The following DLG2 variants were observed in gnomAD, a reference collection of about 807,000 sequenced individuals.
DLG2 encodes the protein discs large MAGUK scaffold protein 2.
In DLG2, 45 loss-of-function variants were observed where a neutral mutation model predicts 132.5. That is an observed-to-expected ratio of 0.34 (90% CI 0.27 to 0.44). The LOEUF is 0.44. Ranked by LOEUF, DLG2 falls within the 20% of genes least tolerant of loss-of-function variation. DLG2 has a pLI of 1.00. For synonymous variants in DLG2, 424 were observed against 419.6 expected (o/e 1.01, Z -0.13); for missense variants, 1,045 against 1,196.9 (o/e 0.87, Z 1.87).
intron 7 of DLG2, among the ~76,000 whole-genome samples, chr11:84,396,408 A>ATTGTTT (rs1453175461): frequency 6.6e-6 from 1 of 152,212 alleles, no homozygotes; most frequent in Admixed American, 6.5e-5. Context: ...ATATGGTGCA[A>ATTGTTT]TTGTTTTTGT....
At chr11:84,174,146 T>C (rs2095889951) in intron 8 of DLG2, among the ~76,000 whole-genome samples, 1 of 148,824 alleles carries the variant, frequency 6.7e-6, no homozygotes, top group South Asian at 2.1e-4. Flanking sequence ...TATATCTCTG[T>C]TAAGGAGATT....
intron 20 of DLG2, among the ~76,000 whole-genome samples, chr11:83,536,499 G>T (rs2095879406): frequency 6.6e-6 from 1 of 151,634 alleles, no homozygotes; most frequent in Non-Finnish European, 1.5e-5. Flanking sequence ...TTTCTGGGAT[G>T]CATGTGAATG....
intron 6 of DLG2, among the ~76,000 whole-genome samples, chr11:84,676,464 A>G (rs1265943266): frequency 1.3e-5 from 2 of 152,122 alleles, no homozygotes; most frequent in East Asian, 1.9e-4. Context: ...CATATGGCAC[A>G]GCTATGATTG....
intron 5 of DLG2, among the ~76,000 whole-genome samples, chr11:85,117,934 T>C (rs1168715054): frequency 2.0e-5 from 3 of 152,066 alleles, no homozygotes; most frequent in Admixed American, 6.6e-5. Context: ...CATTAAGCCA[T>C]TTTAAACAAA....
intron 3 of DLG2, chr11:85,453,190 C>T: frequency 2.8e-6 from 1 of 355,892 alleles, no homozygotes; most frequent in Non-Finnish European, 5.0e-6. Flanking sequence ...GGGTACACAC[C>T]AAAGGCCAAG....
chr11:85,170,937 A>G (rs1275681036), intron 4 of DLG2, among the ~76,000 whole-genome samples: 1 of 118,322 alleles, frequency 8.5e-6, no homozygotes, highest in Non-Finnish European at 1.7e-5. Context: ...CATAACAAAT[A>G]AAAAAAAAAA....
chr11:84,945,326 G>A (rs1376653438), intron 6 of DLG2, among the ~76,000 whole-genome samples: 4 of 152,188 alleles, frequency 2.6e-5, no homozygotes, highest in Non-Finnish European at 4.4e-5. Flanking sequence ...AGGTAACACC[G>A]TGGTGTTCTT....
chr11:85,143,699 G>T lies in DLG2; in HGVS notation c.282+10857C>A, dbSNP rs184712691. On this transcript the variant is annotated intron_variant, in intron 5 of 27. Transcript: ENST00000376104. ...CTTCATTGACCTGCTTGTCACTCAG[G>T]AGCATATTGTTTAATTTCCATGTGT... Among the ~76,000 whole-genome samples the T allele has an allele frequency of 6.9e-4, 105 of 151,764 alleles. 1 individual carries two copies. The highest frequency in any genetic ancestry group is 3.4e-3 in the Middle Eastern group (1 of 294).
intron 17 of DLG2, among the ~76,000 whole-genome samples, chr11:83,828,648 T>C (rs1442276755): frequency 1.3e-5 from 2 of 152,150 alleles, no homozygotes; most frequent in East Asian, 1.9e-4. Flanking sequence ...CTTTGGGAAA[T>C]GCCAATCTAG....
chr11:84,868,705 C>A (rs1016128995), intron 6 of DLG2, among the ~76,000 whole-genome samples: 7 of 152,084 alleles, frequency 4.6e-5, no homozygotes, highest in Admixed American at 4.6e-4. Context: ...GACATAGACT[C>A]GTAGGATTCA....
chr11:84,643,344 C>T (rs2099670487), intron 6 of DLG2, among the ~76,000 whole-genome samples: 1 of 152,184 alleles, frequency 6.6e-6, no homozygotes, highest in Admixed American at 6.5e-5. Context: ...TAACTTCTTT[C>T]CTTAGAAACA....
intron 25 of DLG2, among the ~76,000 whole-genome samples, chr11:83,467,771 GTATATATATA>G (rs1192401405): frequency 0.21 from 18,128 of 85,200 alleles, 1,974 homozygotes; most frequent in Middle Eastern, 0.32. Flanking sequence ...AAAACTATAT[GTATATATATA>G]TATATATATA....
intron 9 of DLG2, among the ~76,000 whole-genome samples, chr11:84,157,894 C>T (rs568221736): frequency 1.4e-4 from 22 of 152,256 alleles, no homozygotes; most frequent in South Asian, 8.3e-4. Context: ...GAGGAGGAGT[C>T]GTCAACTTGT....
intron 3 of DLG2, among the ~76,000 whole-genome samples, chr11:85,323,601 C>T (rs528396175): frequency 5.3e-5 from 8 of 152,264 alleles, no homozygotes; most frequent in African/African-American, 1.7e-4. Flanking sequence ...GAACTTATTC[C>T]TTCTACCTAA....
chr11:84,386,256 T>C (rs1380197149), intron 7 of DLG2, among the ~76,000 whole-genome samples: 2 of 152,074 alleles, frequency 1.3e-5, no homozygotes, highest in East Asian at 3.8e-4. Context: ...TAATTTTTTA[T>C]TTGTCAACTT....
At chr11:84,081,691 G>C (rs934567421) in intron 10 of DLG2, among the ~76,000 whole-genome samples, 4 of 152,142 alleles carry the variant, frequency 2.6e-5, no homozygotes, top group Non-Finnish European at 4.4e-5. Flanking sequence ...GTGTGTATTT[G>C]CCACATTTTC....
At chr11:85,436,373 T>C (rs2091480299) in intron 3 of DLG2, among the ~76,000 whole-genome samples, 2 of 151,732 alleles carry the variant, frequency 1.3e-5, no homozygotes, top group African/African-American at 4.8e-5. Context: ...CAAACAACCA[T>C]CCTACAGAAT....
intron 11 of DLG2, among the ~76,000 whole-genome samples, chr11:83,983,393 T>A (rs2092969960): frequency 1.3e-5 from 2 of 152,036 alleles, no homozygotes; most frequent in African/African-American, 4.8e-5. Context: ...AATAAAGCTA[T>A]CATTAAAATA....
At chr11:83,880,496 A>T (rs1291095248) in intron 15 of DLG2, among the ~76,000 whole-genome samples, 1 of 152,152 alleles carries the variant, frequency 6.6e-6, no homozygotes, top group Admixed American at 6.5e-5. Context: ...TCCTCCTGAA[A>T]GTGAAATTAT....
Sources: allele counts gnomAD v4.1 joint callset (sites outside exome capture counted in the v4.1 genomes callset), GRCh38; gene constraint gnomAD v4.1.1; transcripts MANE v1.5; gene names NCBI Gene and HGNC (gene_info 2026-07-23, HGNC 2026-07-21).